NDE1: variants seen among roughly 807,000 people sequenced by gnomAD.
The protein encoded by NDE1 is nuclear distribution protein nudE homolog 1.
A neutral mutation model predicts 43.4 loss-of-function variants in NDE1; 28 were observed. The ratio of observed to expected loss-of-function variants is 0.65; its 90% CI spans 0.48 to 0.89. The LOEUF is 0.89. Among genes scored for constraint, NDE1 ranks in the 40% least tolerant of loss-of-function variants. The pLI is 0.00. For missense variants in NDE1, 441 were observed against 434.1 expected (o/e 1.02, Z -0.14); for synonymous variants, 184 against 172.0 (o/e 1.07, Z -0.55).
chr16:15,703,232 C>T lies in NDE1; in HGVS notation c.947+6372C>T, dbSNP rs1261320983. The T allele has an allele frequency of 4.7e-5, 10 of 214,120 alleles. No individual in the cohort carries two copies. The East Asian group carries it at 6.9e-4, about 15-fold the overall frequency. 13.3% of individuals were successfully genotyped at this position (214,120 alleles called of 1,614,324 possible). ...GCTCCCCTCCGTGGGAGCAGCGTCT[C>T]CTTTTCAATTCATGTGACTACAGAA... On this transcript the variant is annotated intron_variant, in intron 8 of 8. Transcript: ENST00000396354.
At chr16:15,686,444 A>C (rs955258646) in intron 4 of NDE1, 2 of 985,270 alleles carry the variant, frequency 2.0e-6, no homozygotes, top group African/African-American at 3.5e-5. Flanking sequence ...AGGGGTTGTG[A>C]GCAGGGCAGC....
chr16:15,685,032 G>T (rs2038369019), intron 4 of NDE1, among the ~76,000 whole-genome samples: 1 of 152,200 alleles, frequency 6.6e-6, no homozygotes, highest in Non-Finnish European at 1.5e-5. Flanking sequence ...TATTAAGACA[G>T]TGTTAAATTT....
chr16:15,704,917 A>C (rs2039366493), intron 8 of NDE1, among the ~76,000 whole-genome samples: 1 of 151,938 alleles, frequency 6.6e-6, no homozygotes, highest in East Asian at 1.9e-4. Context: ...GAGCTCAAGC[A>C]GTTCTCCTAC....
Position 15,725,188 on chromosome 16 carries a change from A to G in NDE1, c.*937A>G. 1.6e-6 allele frequency: 1 copy of G among 625,188 alleles called. No individual in the cohort carries two copies. The highest frequency in any genetic ancestry group is 2.7e-5 in the East Asian group (1 of 36,796). The allele number at this position is 625,188 out of a possible 1,614,324, so 38.7% of individuals were successfully genotyped here. A position where few individuals can be genotyped will look rare whatever the true frequency, so the allele number is the denominator to read the frequency against. On this transcript the variant is annotated 3_prime_UTR_variant, in exon 9 of 9. Coordinates refer to ENST00000396354, the MANE Select transcript of NDE1 (RefSeq NM_017668.3). ...AAAAAAAACAGAATCTGTGGCTTGA[A>G]GGGAACTCCGTCACCTATGAGTTGG...
chr16:15,691,417 C>A, intron 6 of NDE1, 94 bp downstream of exon 6: 2 of 1,401,488 alleles, frequency 1.4e-6, no homozygotes, highest in Non-Finnish European at 2.0e-6. Context: ...TGATTTGCAT[C>A]AGGCTCAGAG....
chr16:15,665,980 T>G (rs886378401), intron 2 of NDE1, among the ~76,000 whole-genome samples: 2 of 152,044 alleles, frequency 1.3e-5, no homozygotes, highest in African/African-American at 2.4e-5. Flanking sequence ...GCTCTCGAAC[T>G]CCCAACCTCA....
At chr16:15,706,525 T>C (rs1257356868) in intron 8 of NDE1, among the ~76,000 whole-genome samples, 1 of 152,142 alleles carries the variant, frequency 6.6e-6, no homozygotes, top group African/African-American at 2.4e-5. Context: ...CTGGCCAATA[T>C]GGTGAAACCC....
chr16:15,710,958 G>A (rs1021033453), intron 8 of NDE1, among the ~76,000 whole-genome samples: 8 of 152,136 alleles, frequency 5.3e-5, no homozygotes, highest in African/African-American at 1.4e-4. Context: ...GATTACAGGC[G>A]TGAGCCACCG....
At chr16:15,678,218 C>A (rs1018873499) in intron 4 of NDE1, among the ~76,000 whole-genome samples, 2 of 152,090 alleles carry the variant, frequency 1.3e-5, no homozygotes, top group African/African-American at 4.8e-5. Flanking sequence ...GAGCGTCAGG[C>A]GAGCCTTACC....
chr16:15,718,172 TCTA>T, intron 8 of NDE1: 1 of 1,332,798 alleles, frequency 7.5e-7, no homozygotes, highest in Non-Finnish European at 1.1e-6. Context: ...GCCCTGGATC[TCTA>T]CTCTCAGGCC....
chr16:15,717,858 G>T (rs1000164156), intron 8 of NDE1: 1 of 264,680 alleles, frequency 3.8e-6, no homozygotes, highest in Non-Finnish European at 7.3e-6. Flanking sequence ...CTTGTCCCTT[G>T]CTTTCTCTGT....
chr16:15,648,544 C>G (rs1477656811), upstream of NDE1, among the ~76,000 whole-genome samples: 2 of 152,160 alleles, frequency 1.3e-5, no homozygotes, highest in African/African-American at 4.8e-5. Flanking sequence ...AGTTACATGG[C>G]TCACGCCTGT....
Position 15,704,053 on chromosome 16 carries a change from C to T in NDE1, c.947+7193C>T, listed in dbSNP as rs776407200. The T allele has an allele frequency of 1.4e-5, 22 of 1,614,010 alleles. No homozygotes were observed. The highest frequency in any genetic ancestry group is 2.2e-5 in the East Asian group (1 of 44,894). ...CGAGTGTCCGTTTCCTCCTCAGAAC[C>T]ATCTGCATTTTCAATAACTCTACGT... On this transcript the variant is annotated intron_variant, in intron 8 of 8. Transcript: ENST00000396354.
upstream of NDE1, among the ~76,000 whole-genome samples, chr16:15,645,451 G>T (rs2036313095): frequency 6.6e-6 from 1 of 152,124 alleles, no homozygotes. Flanking sequence ...GCAACATGGT[G>T]TGACACTTGT....
At position 15,712,882 on chromosome 16, in the gene NDE1, G is replaced by GTTTTTTTTTTTTTGTTTTTTTTTTTTTT. The variant is rs2039893465; in HGVS notation, c.948-11295_948-11294insTTTTTTTTTTTTTTTTTTTTTTTTTTTG. ...GGGAACCAGCAACTCTTCACATACA[G>GTTTTTTTTTTTTTGTTTTTTTTTTTTTT]TTTTTTTTTTTTTGAGACCGAGTCT... On this transcript the variant is annotated intron_variant, in intron 8 of 8. Transcript: ENST00000396354. 4.4e-5 allele frequency: 4 copies of GTTTTTTTTTTTTTGTTTTTTTTTTTTTT among 90,632 alleles called. No individual in the cohort carries two copies. In the Admixed American group the frequency reaches 4.4e-4, roughly 10 times the overall value. 5.6% of individuals were successfully genotyped at this position (90,632 alleles called of 1,614,324 possible). A position where few individuals can be genotyped will look rare whatever the true frequency, so the allele number is the denominator to read the frequency against.
intron 4 of NDE1, chr16:15,683,351 T>G (rs1187907700): frequency 2.0e-5 from 3 of 152,086 alleles, no homozygotes; most frequent in South Asian, 2.1e-4. Context: ...GGGTTTTTTT[T>G]GTTTGTTTTT....
At position 15,664,734 on chromosome 16, in the gene NDE1, A is replaced by G. The variant is rs746826311; in HGVS notation, c.-43-2A>G. The G allele has an allele frequency of 7.2e-6, 10 of 1,397,116 alleles. No homozygotes were observed. Among genetic ancestry groups the G allele is most frequent in the Middle Eastern group, 1.8e-4 (1 of 5,666 alleles). 86.5% of individuals were successfully genotyped at this position (1,397,116 alleles called of 1,614,324 possible). On this transcript the variant is annotated splice_acceptor_variant, in intron 1 of 8. Transcript: ENST00000396354. LOFTEE classifies it low-confidence loss of function (5UTR_SPLICE). The stretch of plus-strand genomic sequence containing the variant: ...TAATCATTTTGAAACCTTCTCTCCT[A>G]GACACCATGCCACAAGGAGAGTGAT...
chr16:15,704,355 G>A (rs943738134), intron 8 of NDE1, among the ~76,000 whole-genome samples: 3 of 152,082 alleles, frequency 2.0e-5, no homozygotes, highest in Admixed American at 6.6e-5. Context: ...AATTGGTTGC[G>A]GGGGTGGGTG....
At chr16:15,677,128 A>C (rs996467908) in intron 3 of NDE1, among the ~76,000 whole-genome samples, 16 of 151,968 alleles carry the variant, frequency 1.1e-4, no homozygotes, top group African/African-American at 3.9e-4. Context: ...TTTGAATGAC[A>C]CCTGCCTGTT....
Sources: allele counts gnomAD v4.1 joint callset (sites outside exome capture counted in the v4.1 genomes callset), GRCh38; gene constraint gnomAD v4.1.1; transcripts MANE v1.5; gene names NCBI Gene and HGNC (gene_info 2026-07-23, HGNC 2026-07-21).